Variants in RYR3 observed in about 807,000 individuals in gnomAD.
RYR3 encodes the protein ryanodine receptor 3.
RYR3 carries 207 observed loss-of-function variants against 584.3 expected under a neutral mutation model. The observed-to-expected ratio is 0.35, with a 90% CI of 0.32 to 0.40. The LOEUF (loss-of-function observed/expected upper bound fraction) is 0.40, where lower values mean the gene tolerates loss of function less well. Ranked by LOEUF, RYR3 falls within the 10% of genes least tolerant of loss-of-function variation. The probability of loss-of-function intolerance (pLI) is 1.00; values close to 1 mark genes in which losing one functional copy is unlikely to be tolerated. For synonymous variants in RYR3, 2,416 were observed against 2,248.5 expected (o/e 1.07, Z -2.11); for missense variants, 5,616 against 6,089.2 (o/e 0.92, Z 2.59).
intron 3 of RYR3, among the ~76,000 whole-genome samples, chr15:33,510,584 A>G (rs952748984): frequency 2.0e-5 from 3 of 150,850 alleles, no homozygotes; most frequent in African/African-American, 4.9e-5. Context: ...CATTGAGTAC[A>G]TAATTTTAAT....
intron 3 of RYR3, among the ~76,000 whole-genome samples, chr15:33,506,647 C>G (rs2052508272): frequency 6.6e-6 from 1 of 152,160 alleles, no homozygotes. Context: ...TATTACTTTA[C>G]TGTGCATTGA....
In RYR3 at chr15:33,662,271, T is replaced by A; in HGVS notation, c.4741T>A (p.Cys1581Ser). ...LGNSRVAYAL[C>S]SHVDLSQLFY... ...AAACAGCCGCGTGGCCTACGCCCTG[T>A]GCAGCCACGTGGACCTCTCCCAGCT... is the stretch of plus-strand genomic sequence containing the variant. The change falls in exon 35 of 104, where the codon TGC becomes AGC. Residue 1581 changes from cysteine to serine, a missense_variant. By Grantham distance (112) the Cys-to-Ser change is moderately radical (BLOSUM62 -1). Around this residue, in one of 9 missense-constraint regions of RYR3, gnomAD observed 753 missense variants for 741.0 expected, o/e 1.02. Transcript: ENST00000634891. 6.2e-7 allele frequency: 1 copy of A among 1,610,798 alleles called. No homozygotes were observed. The highest frequency in any genetic ancestry group is 8.5e-7 in the Non-Finnish European group (1 of 1,178,712).
intron 76 of RYR3, 32 bp downstream of exon 76, chr15:33,818,716 G>A: frequency 6.6e-7 from 1 of 1,505,614 alleles, no homozygotes; most frequent in Non-Finnish European, 9.2e-7. Context: ...GCTTCTCCCA[G>A]GCACCAGGGA....
rs567487535 is a variant in RYR3 at position 33,716,314 on chromosome 15, A to G, written c.6620-6401A>G. ...CTGTTGCATTAGGGATTAAGTTTCA[A>G]CATAAATTTCGGAGGAGGCACCATG... On this transcript the variant is annotated intron_variant, in intron 43 of 103. Coordinates refer to ENST00000634891, the MANE Select transcript of RYR3 (RefSeq NM_001036.6). Among the ~76,000 whole-genome samples, 8 of 152,342 alleles carry G rather than the reference A, an allele frequency of 5.3e-5. 1 individual carries two copies. In the South Asian group the frequency reaches 1.5e-3, roughly 28 times the overall value.
At chr15:33,536,075 C>G in intron 5 of RYR3, among the ~76,000 whole-genome samples, 1 of 152,306 alleles carries the variant, frequency 6.6e-6, no homozygotes, top group African/African-American at 2.4e-5. Context: ...TCAGCATTAC[C>G]TGGAGATTCT....
chr15:33,315,242 G>T (rs1378197483), intron 1 of RYR3, among the ~76,000 whole-genome samples: 6 of 152,182 alleles, frequency 3.9e-5, no homozygotes, highest in Non-Finnish European at 1.5e-5. Context: ...GCGCTGTCTT[G>T]TGTTGGAATG....
At position 33,722,751 on chromosome 15, in the gene RYR3, A is replaced by G. The variant is rs2068038191; in HGVS notation, c.6656A>G (p.Lys2219Arg). ...SVEENASVVV[K>R]LLIRRPECFG... ...GAAGAAAACGCCAGCGTTGTGGTCA[A>G]GCTGCTCATCAGACGCCCAGAGTGC... Residue 2219 changes from lysine to arginine, a missense_variant, in exon 44 of 104, where the codon AAG (lysine) becomes AGG (arginine). This residue lies in a region of RYR3 where 1,280 missense variants were observed against 1,426.2 expected (regional missense o/e 0.90). Transcript: ENST00000634891. 1.2e-6 allele frequency: 2 copies of G among 1,612,740 alleles called. No homozygotes were observed. The highest frequency in any genetic ancestry group is 2.7e-5 in the African/African-American group (2 of 74,844).
intron 43 of RYR3, among the ~76,000 whole-genome samples, chr15:33,708,907 G>A (rs2066904131): frequency 6.6e-6 from 1 of 152,102 alleles, no homozygotes; most frequent in African/African-American, 2.4e-5. Flanking sequence ...ATTCCCATTG[G>A]CCGATTTAAA....
chr15:33,852,743 A>G, intron 94 of RYR3: 1 of 275,688 alleles, frequency 3.6e-6, no homozygotes, highest in South Asian at 5.0e-5. Flanking sequence ...AAGGACTTAG[A>G]AACATACAAC....
chr15:33,565,815 A>C (rs2057684128), intron 11 of RYR3, among the ~76,000 whole-genome samples: 1 of 152,172 alleles, frequency 6.6e-6, no homozygotes, highest in Non-Finnish European at 1.5e-5. Flanking sequence ...TCCACACAAA[A>C]AGCTGGTAGT....
At position 33,548,124 on chromosome 15, in the gene RYR3, T is replaced by C. The variant is rs1360904820; in HGVS notation, c.741-6T>C. On this transcript the variant is annotated splice_region_variant and splice_polypyrimidine_tract_variant and intron_variant, in intron 8 of 103. Coordinates refer to ENST00000634891, the MANE Select transcript of RYR3 (RefSeq NM_001036.6). ...AGTAGGAGCTGATCTCCAACTCTGC[T>C]CACAGGAGGATATTCTACGAAGCTG... 7 of 1,610,388 alleles carry C rather than the reference T, an allele frequency of 4.3e-6. No homozygotes were observed. Among genetic ancestry groups the C allele is most frequent in the Non-Finnish European group, 5.9e-6 (7 of 1,177,844 alleles).
intron 43 of RYR3, among the ~76,000 whole-genome samples, chr15:33,708,881 C>A (rs112774467): frequency 6.6e-6 from 1 of 152,002 alleles, no homozygotes; most frequent in Non-Finnish European, 1.5e-5. Flanking sequence ...AGGGTTAGAC[C>A]GCACAGGCTA....
intron 74 of RYR3, 33 bp from the exon 75 acceptor site, chr15:33,816,829 C>T (rs746171369): frequency 8.6e-6 from 12 of 1,398,258 alleles, no homozygotes; most frequent in Non-Finnish European, 1.2e-5. Flanking sequence ...TCCATGGATC[C>T]CTCTTGACCT....
At chr15:33,864,328 T>TGG (rs1452056803) in intron 103 of RYR3, 139 bp downstream of exon 103, 2 of 663,838 alleles carry the variant, frequency 3.0e-6, no homozygotes, top group Admixed American at 2.8e-5. Flanking sequence ...TTTTTGTGAC[T>TGG]CAATAAGAAG....
chr15:33,669,843 TGGGGGGGGGG>T (rs35446204), intron 37 of RYR3, among the ~76,000 whole-genome samples: 2 of 22,082 alleles, frequency 9.1e-5, no homozygotes, highest in Non-Finnish European at 2.1e-4. Flanking sequence ...TGTGTGTGTG[TGGGGGGGGGG>T]GGGGGTGTGG....
At chr15:33,642,842 C>A (rs2061906693) in intron 27 of RYR3, among the ~76,000 whole-genome samples, 1 of 152,188 alleles carries the variant, frequency 6.6e-6, no homozygotes, top group South Asian at 2.1e-4. Flanking sequence ...GTTGGCAGTG[C>A]TGTGAGGAGG....
intron 1 of RYR3, among the ~76,000 whole-genome samples, chr15:33,400,639 G>A (rs2042597645): frequency 6.6e-6 from 1 of 152,166 alleles, no homozygotes; most frequent in Non-Finnish European, 1.5e-5. Context: ...ACAAGATAAA[G>A]CAACACGGCA....
At chr15:33,773,283 G>A (rs1182352122) in intron 63 of RYR3, among the ~76,000 whole-genome samples, 2 of 152,136 alleles carry the variant, frequency 1.3e-5, no homozygotes, top group East Asian at 1.9e-4. Flanking sequence ...CCTGTGAAGC[G>A]ATGTAATCTT....
chr15:33,703,788 G>A (rs1032794351), intron 42 of RYR3, among the ~76,000 whole-genome samples: 1 of 152,136 alleles, frequency 6.6e-6, no homozygotes, highest in Non-Finnish European at 1.5e-5. Context: ...TTAAGTGAAA[G>A]CATTTTTTTT....
Sources: gnomAD v4.1 joint callset for allele counts (sites outside exome capture counted in the v4.1 genomes callset) on GRCh38, gnomAD v4.1.1 for gene constraint, gnomAD v4.1.1 regional missense constraint, MANE v1.5 for transcripts, NCBI Gene and HGNC (gene_info 2026-07-23, HGNC 2026-07-21) for gene names.